VPS16: variants seen among roughly 807,000 people sequenced by gnomAD.
VPS16 encodes the protein VPS16 core subunit of CORVET and HOPS complexes.
VPS16 carries 82 observed loss-of-function variants against 116.0 expected under a neutral mutation model. That is an observed-to-expected ratio of 0.71 (90% CI 0.59 to 0.85). The LOEUF is 0.85. Ranked by LOEUF, VPS16 falls within the 40% of genes least tolerant of loss-of-function variation. VPS16 has a pLI of 0.00. For synonymous variants in VPS16, 406 were observed against 420.7 expected (o/e 0.96, Z 0.43); for missense variants, 928 against 1,090.6 (o/e 0.85, Z 2.10).
At position 2,866,647 on chromosome 20, in the gene VPS16, C is replaced by T; in HGVS notation, c.*73C>T. 6.3e-7 allele frequency: 1 copy of T among 1,584,564 alleles called. No individual in the cohort carries two copies. Among genetic ancestry groups the T allele is most frequent in the Non-Finnish European group, 8.6e-7 (1 of 1,164,744 alleles). On this transcript the variant is annotated 3_prime_UTR_variant, in exon 24 of 24. Coordinates refer to ENST00000380445, the MANE Select transcript of VPS16 (RefSeq NM_022575.4). ...TGGGCTTGGCAGAAGGGCCATAGTT[C>T]ATCCAGCTCCTCCCCTAGAGCAATG...
intron 1 of VPS16, among the ~76,000 whole-genome samples, chr20:2,844,304 A>G (rs1029452188): frequency 6.6e-6 from 1 of 152,242 alleles, no homozygotes; most frequent in Non-Finnish European, 1.5e-5. Context: ...AACAGGTGGC[A>G]GACATTACAT....
At position 2,865,064 on chromosome 20, in the gene VPS16, C is replaced by G; in HGVS notation, c.2004+9C>G. On this transcript the variant is annotated intron_variant, in intron 20 of 23. Transcript: ENST00000380445. This position sits in a 1 kb window ranked among gnomAD's most constrained non-coding sequence, Gnocchi z 5.2. The stretch of plus-strand genomic sequence containing the variant: ...ATGAGTTTGCAGCCAAGGTTTGGCC[C>G]ACCTTTTTCCAAGAGCCTCCTCGTC... 1 of 1,614,174 alleles carries G rather than the reference C, an allele frequency of 6.2e-7. No individual in the cohort carries two copies. Among genetic ancestry groups the G allele is most frequent in the East Asian group, 2.2e-5 (1 of 44,884 alleles).
intron 1 of VPS16, among the ~76,000 whole-genome samples, chr20:2,842,328 A>G (rs2088986121): frequency 6.6e-6 from 1 of 151,462 alleles, no homozygotes; most frequent in South Asian, 2.1e-4. Flanking sequence ...TAAAAATATT[A>G]TTTTAGGCCA....
At chr20:2,852,108 G>T (rs2089128272) in intron 1 of VPS16, among the ~76,000 whole-genome samples, 1 of 152,176 alleles carries the variant, frequency 6.6e-6, no homozygotes, top group Non-Finnish European at 1.5e-5. Context: ...AGCCTGGAGT[G>T]CAGCGTCTGT....
In VPS16 at chr20:2,866,232, GA is replaced by G. The variant is rs764619737; in HGVS notation, c.2295del (p.Lys765AsnfsTer46). The G allele has an allele frequency of 3.1e-6, 5 of 1,614,126 alleles. No homozygotes were observed. The Admixed American group carries it at 8.3e-5, about 27-fold the overall frequency. ...CCAAGCCTTTTGTGGAGATCTGCAT[GA>G]AACAACATAACAAATACGAAGCCAA... ...GYLPFVEICM[K>X]QHNKYEAKKY... On this transcript the variant is annotated frameshift_variant, in exon 23 of 24. Coordinates refer to ENST00000380445, the MANE Select transcript of VPS16 (RefSeq NM_022575.4). LOFTEE classifies it high-confidence loss of function.
chr20:2,865,405 G>A lies in VPS16; in HGVS notation c.2181G>A (p.Trp727Ter), dbSNP rs757779615. ...RDFRIPDKRL[W>*]WLKLTALADL... ...AAGCCCAGCTTTCCTGCAGGCTCTG[G>A]TGGCTGAAGCTGACTGCCCTGGCAG... is the stretch of plus-strand genomic sequence containing the variant. Residue 727 changes from tryptophan to a stop codon, truncating the protein, a stop_gained, in exon 22 of 24, where the codon TGG becomes TGA. Coordinates refer to ENST00000380445, the MANE Select transcript of VPS16 (RefSeq NM_022575.4). LOFTEE classifies it high-confidence loss of function. The surrounding 1 kb of genome is among the most constrained non-coding windows in gnomAD (Gnocchi z 5.2). The A allele has an allele frequency of 6.2e-7, 1 of 1,614,146 alleles. No individual in the cohort carries two copies. The highest frequency in any genetic ancestry group is 8.5e-7 in the Non-Finnish European group (1 of 1,179,992).
chr20:2,842,644 A>ATGTATC (rs2088993152), intron 1 of VPS16, among the ~76,000 whole-genome samples: 1 of 139,792 alleles, frequency 7.2e-6, no homozygotes, highest in Non-Finnish European at 1.5e-5. Context: ...CTATAGATAG[A>ATGTATC]TAGATATAGA....
At chr20:2,859,642 T>A in intron 1 of VPS16, 77 bp from the exon 2 acceptor site, 1 of 1,490,994 alleles carries the variant, frequency 6.7e-7, no homozygotes, top group Non-Finnish European at 9.3e-7. Flanking sequence ...AATGGAGGCT[T>A]TAGGAATTCC....
chr20:2,858,102 T>G (rs1332999539), intron 1 of VPS16, among the ~76,000 whole-genome samples: 1 of 144,906 alleles, frequency 6.9e-6, no homozygotes, highest in Non-Finnish European at 1.5e-5. Context: ...TACTTTGGGT[T>G]TTTTTTTTTT....
chr20:2,850,275 G>T (rs1387597352), intron 1 of VPS16, among the ~76,000 whole-genome samples: 1 of 152,170 alleles, frequency 6.6e-6, no homozygotes, highest in Non-Finnish European at 1.5e-5. Flanking sequence ...AGTGAGCCCA[G>T]ATCGTGCCAC....
intron 1 of VPS16, among the ~76,000 whole-genome samples, chr20:2,858,687 C>T (rs930986605): frequency 1.3e-5 from 2 of 152,028 alleles, no homozygotes; most frequent in Admixed American, 6.6e-5. Flanking sequence ...CCCCTTTTCC[C>T]CCACTCTTGA....
In VPS16 at chr20:2,840,968, G is replaced by A. The variant is rs564025591; in HGVS notation, c.53+141G>A. The stretch of plus-strand genomic sequence containing the variant: ...GCTCTCCCCGAGCGTCTGCCACTTA[G>A]CGCACAGCCGCCTTTGGGCAGGGAG... On this transcript the variant is annotated intron_variant, in intron 1 of 23. Transcript: ENST00000380445. The A allele has an allele frequency of 3.7e-5, 29 of 775,328 alleles. No individual in the cohort carries two copies. The South Asian group carries it at 4.0e-4, about 11-fold the overall frequency. 48.0% of individuals were successfully genotyped at this position (775,328 alleles called of 1,614,324 possible).
In VPS16 at chr20:2,864,150, C is replaced by T. The variant is rs1464308848; in HGVS notation, c.1612-29C>T. On this transcript the variant is annotated intron_variant, in intron 16 of 23. Transcript: ENST00000380445. The surrounding 1 kb of genome is among the most constrained non-coding windows in gnomAD (Gnocchi z 5.2). ...TTCAGGGCCCCCATGCCAGCTCCTT[C>T]TCTCTGTGCCTTCCTTCTCACCTCA... The T allele has an allele frequency of 1.2e-6, 2 of 1,613,944 alleles. No individual in the cohort carries two copies. Among genetic ancestry groups the T allele is most frequent in the Non-Finnish European group, 1.7e-6 (2 of 1,179,908 alleles).
At position 2,862,935 on chromosome 20, in the gene VPS16, G is replaced by A. The variant is rs772693501; in HGVS notation, c.1331+1G>A. On this transcript the variant is annotated splice_donor_variant, in intron 13 of 23. Coordinates refer to ENST00000380445, the MANE Select transcript of VPS16 (RefSeq NM_022575.4). LOFTEE classifies it high-confidence loss of function. ...TCGGGATCCCGCTCACCTATAGCCA[G>A]TATCCCTGTGCACGCCAGAAGGGTA... The A allele has an allele frequency of 6.2e-7, 1 of 1,613,866 alleles. No individual in the cohort carries two copies. Among genetic ancestry groups the A allele is most frequent in the South Asian group, 1.1e-5 (1 of 91,084 alleles).
Position 2,863,811 on chromosome 20 carries a change from AAAG to A in VPS16, c.1477-132_1477-130del. 8.2e-7 allele frequency: 1 copy of A among 1,218,856 alleles called. No individual in the cohort carries two copies. The highest frequency in any genetic ancestry group is 1.5e-5 in the South Asian group (1 of 65,704). The allele number at this position is 1,218,856 out of a possible 1,614,324, so 75.5% of individuals were successfully genotyped here. On this transcript the variant is annotated intron_variant, in intron 15 of 23. Coordinates refer to ENST00000380445, the MANE Select transcript of VPS16 (RefSeq NM_022575.4). This position sits in a 1 kb window ranked among gnomAD's most constrained non-coding sequence, Gnocchi z 4.4. ...GGCGGAGGAGGAGGGAAAGAGAGAGAAAGAAGAAAGAGAGAAAGAAAGAAAGAA... is the reference window on the plus strand; with the variant it reads ...GGCGGAGGAGGAGGGAAAGAGAGAGAAAGAAAGAGAGAAAGAAAGAAAGAA...
chr20:2,859,728 G>A lies in VPS16; in HGVS notation c.63G>A (p.Glu21=). 1.2e-6 allele frequency: 2 copies of A among 1,613,746 alleles called. No homozygotes were observed. The highest frequency in any genetic ancestry group is 1.7e-6 in the Non-Finnish European group (2 of 1,179,852). Residue 21 remains glutamate, a synonymous_variant, in exon 2 of 24, where the codon GAG becomes GAA. Coordinates refer to ENST00000380445, the MANE Select transcript of VPS16 (RefSeq NM_022575.4). ...ATCTCTGTGTGGGCAGGAAATATGA[G>A]CTGTACAGCATGGACTGGGACCTGA... The part of the protein sequence containing the change: ...LGDSAFYRKY[E]LYSMDWDLKE...
rs373747441 is a variant in VPS16, at chr20:2,863,332, C to T, written c.1410C>T (p.Cys470=). The T allele has an allele frequency of 2.0e-5, 32 of 1,614,204 alleles. No individual in the cohort carries two copies. The highest frequency in any genetic ancestry group is 7.7e-5 in the South Asian group (7 of 91,090). ...RRLYPLAIQI[C]EYLRLPEVQG... ...TTTACCCCCTGGCCATCCAGATATG[C>T]GAGTACTTGCGCCTTCCTGAAGTAC... The change falls in exon 15 of 24, where the codon TGC becomes TGT. Residue 470 remains cysteine, a synonymous_variant. Transcript: ENST00000380445. The surrounding 1 kb of genome is among the most constrained non-coding windows in gnomAD (Gnocchi z 4.4).
intron 22 of VPS16, 197 bp from the exon 23 acceptor site, chr20:2,866,015 T>C (rs1376762832): frequency 1.3e-5 from 8 of 599,520 alleles, no homozygotes; most frequent in Non-Finnish European, 2.1e-5. Flanking sequence ...GACAGAGCTT[T>C]GGTTTAGGTG....
At chr20:2,856,646 G>A (rs992221981) in intron 1 of VPS16, among the ~76,000 whole-genome samples, 1 of 152,154 alleles carries the variant, frequency 6.6e-6, no homozygotes, top group Non-Finnish European at 1.5e-5. Context: ...GCATTTTTCT[G>A]TATATTAACA....
Sources: allele counts gnomAD v4.1 joint callset (sites outside exome capture counted in the v4.1 genomes callset), GRCh38; gene constraint gnomAD v4.1.1; non-coding constraint Gnocchi (gnomAD v3.1); transcripts MANE v1.5; gene names NCBI Gene and HGNC (gene_info 2026-07-23, HGNC 2026-07-21).